The following SYT1 variants were observed in gnomAD, a reference collection of about 807,000 sequenced individuals.
The protein encoded by SYT1 is synaptotagmin 1.
In SYT1, 8 loss-of-function variants were observed where a neutral mutation model predicts 44.8. That is an observed-to-expected ratio of 0.18 (90% CI 0.10 to 0.32). The LOEUF (loss-of-function observed/expected upper bound fraction) is 0.32, where lower values mean the gene tolerates loss of function less well. Ranked by LOEUF, SYT1 falls within the 10% of genes least tolerant of loss-of-function variation. The pLI is 1.00. For synonymous variants in SYT1, 154 were observed against 188.8 expected, an observed-to-expected ratio of 0.82 and a Z score of 1.51; for missense variants, 286 against 509.3, an observed-to-expected ratio of 0.56 and a Z score of 4.22.
intron 9 of SYT1, among the ~76,000 whole-genome samples, chr12:79,354,115 T>C (rs757375840): frequency 4.6e-5 from 7 of 152,176 alleles, no homozygotes; most frequent in Non-Finnish European, 7.3e-5. Flanking sequence ...TGAACCCCTA[T>C]GGTAATGCAT....
intron 8 of SYT1, among the ~76,000 whole-genome samples, chr12:79,315,606 C>G (rs1881044110): frequency 6.6e-6 from 1 of 152,094 alleles, no homozygotes; most frequent in Non-Finnish European, 1.5e-5. Context: ...CTCAGGTGTG[C>G]TGGAAATGTC....
At chr12:79,259,476 A>G (rs115633974) in intron 4 of SYT1, among the ~76,000 whole-genome samples, 174 of 152,318 alleles carry the variant, frequency 1.1e-3, no homozygotes, top group African/African-American at 3.6e-3. Context: ...GCTCATGCCT[A>G]TAATCCCAGC....
chr12:79,372,898 A>C (rs1434041103), intron 9 of SYT1, among the ~76,000 whole-genome samples: 3 of 152,164 alleles, frequency 2.0e-5, no homozygotes, highest in Non-Finnish European at 4.4e-5. Context: ...GGCACCTGAA[A>C]TTCAGTCAAT....
intron 9 of SYT1, among the ~76,000 whole-genome samples, chr12:79,365,111 T>C (rs919206156): frequency 6.6e-6 from 1 of 152,140 alleles, no homozygotes; most frequent in Non-Finnish European, 1.5e-5. Flanking sequence ...TCAGAGTTAA[T>C]TGACTCAAGG....
intron 2 of SYT1, among the ~76,000 whole-genome samples, chr12:79,030,760 C>T (rs149409204): frequency 6.6e-6 from 1 of 151,078 alleles, no homozygotes; most frequent in African/African-American, 2.4e-5. Context: ...TTGGTGAGGC[C>T]ATCCCAAAAT....
intron 3 of SYT1, among the ~76,000 whole-genome samples, chr12:79,117,409 G>A (rs959385436): frequency 6.6e-6 from 1 of 151,740 alleles, no homozygotes; most frequent in East Asian, 1.9e-4. Flanking sequence ...TTCAGAAGGA[G>A]CAACCAACTC....
chr12:79,262,715 GAA>G (rs1230761024), intron 4 of SYT1, among the ~76,000 whole-genome samples: 1 of 152,114 alleles, frequency 6.6e-6, no homozygotes, highest in African/African-American at 2.4e-5. Flanking sequence ...TCTTCTCCAG[GAA>G]ATGTACTGCA....
intron 1 of SYT1, among the ~76,000 whole-genome samples, chr12:78,977,178 A>G (rs995333382): frequency 6.6e-6 from 1 of 152,162 alleles, no homozygotes; most frequent in African/African-American, 2.4e-5. Flanking sequence ...GGAATATTGA[A>G]GTATTTGATA....
In SYT1 at chr12:78,897,613, A is replaced by G. The variant is rs558357592; in HGVS notation, c.-217+32504A>G. Among the ~76,000 whole-genome samples, 4 of 152,158 alleles carry G rather than the reference A, an allele frequency of 2.6e-5. No individual in the cohort carries two copies. The South Asian group carries it at 8.3e-4, about 32-fold the overall frequency. On this transcript the variant is annotated intron_variant, in intron 1 of 10. Transcript: ENST00000261205. ...TACAAATTAGATTTCATATGCTGATATGCTCAATAATGCTAACAAGGATCT... is the reference window on the plus strand; with the variant it reads ...TACAAATTAGATTTCATATGCTGATGTGCTCAATAATGCTAACAAGGATCT...
At chr12:79,237,303 G>T (rs1342769113) in intron 4 of SYT1, among the ~76,000 whole-genome samples, 1 of 152,180 alleles carries the variant, frequency 6.6e-6, no homozygotes, top group Non-Finnish European at 1.5e-5. Flanking sequence ...TAGAAATTGA[G>T]ATTTCTTTGA....
intron 8 of SYT1, among the ~76,000 whole-genome samples, chr12:79,332,610 G>A (rs1881904519): frequency 6.6e-6 from 1 of 152,162 alleles, no homozygotes; most frequent in Admixed American, 6.5e-5. Context: ...CGAAAAAGAA[G>A]TAATATGCAG....
chr12:79,226,063 A>C (rs2138596931), intron 4 of SYT1, among the ~76,000 whole-genome samples: 1 of 152,302 alleles, frequency 6.6e-6, no homozygotes, highest in East Asian at 1.9e-4. Context: ...CTAAATACAT[A>C]TTTGATGAAT....
At chr12:78,930,722 G>T (rs1332087592) in intron 1 of SYT1, among the ~76,000 whole-genome samples, 1 of 151,726 alleles carries the variant, frequency 6.6e-6, no homozygotes, top group Non-Finnish European at 1.5e-5. Flanking sequence ...AGCAAAATTT[G>T]ATCTACTGAA....
At chr12:78,933,468 T>G (rs1257541682) in intron 1 of SYT1, among the ~76,000 whole-genome samples, 1 of 152,176 alleles carries the variant, frequency 6.6e-6, no homozygotes, top group Admixed American at 6.5e-5. Context: ...ATTCTTGAAT[T>G]TAGTAGTAAA....
chr12:79,186,847 C>G (rs1224410827), intron 3 of SYT1, among the ~76,000 whole-genome samples: 1 of 151,882 alleles, frequency 6.6e-6, no homozygotes, highest in Non-Finnish European at 1.5e-5. Flanking sequence ...GTGTGAAAGT[C>G]AAAAATAGTC....
intron 1 of SYT1, among the ~76,000 whole-genome samples, chr12:78,897,053 T>A (rs1408078713): frequency 6.6e-6 from 1 of 151,898 alleles, no homozygotes; most frequent in Non-Finnish European, 1.5e-5. Flanking sequence ...AATAGTCAAC[T>A]GAAGGCAATA....
At chr12:79,117,714 T>TATAA (rs1879378019) in intron 3 of SYT1, among the ~76,000 whole-genome samples, 1 of 87,258 alleles carries the variant, frequency 1.1e-5, no homozygotes, top group Non-Finnish European at 2.2e-5. Context: ...TATATATATA[T>TATAA]AAAATAAATA....
At chr12:79,320,401 T>G (rs1881296835) in intron 8 of SYT1, among the ~76,000 whole-genome samples, 1 of 152,194 alleles carries the variant, frequency 6.6e-6, no homozygotes, top group Non-Finnish European at 1.5e-5. Flanking sequence ...AAGAATAAAT[T>G]GCAGCATTTC....
At chr12:79,122,308 A>T in intron 3 of SYT1, among the ~76,000 whole-genome samples, 1 of 151,500 alleles carries the variant, frequency 6.6e-6, no homozygotes. Flanking sequence ...AGGTCAGGAG[A>T]TCGAGACCAT....
Sources: allele counts gnomAD v4.1 joint callset (sites outside exome capture counted in the v4.1 genomes callset), GRCh38; gene constraint gnomAD v4.1.1; transcripts MANE v1.5; gene names NCBI Gene and HGNC (gene_info 2026-07-23, HGNC 2026-07-21).